The following ROBO2 variants were observed in gnomAD, a reference collection of about 807,000 sequenced individuals.
The protein encoded by ROBO2 is roundabout homolog 2.
In ROBO2, 53 loss-of-function variants were observed where a neutral mutation model predicts 160.8. The observed-to-expected ratio is 0.33, with a 90% confidence interval of 0.26 to 0.41. The LOEUF is 0.41. Among genes scored for constraint, ROBO2 ranks in the 10% least tolerant of loss-of-function variants. The pLI, the probability that ROBO2 is intolerant of heterozygous loss-of-function variation, is 1.00. For synonymous variants in ROBO2, 664 were observed against 611.7 expected (o/e 1.09, Z -1.26); for missense variants, 1,577 against 1,722.4 (o/e 0.92, Z 1.49).
At chr3:77,199,820 A>T (rs1263562512) in intron 2 of ROBO2, among the ~76,000 whole-genome samples, 1 of 149,456 alleles carries the variant, frequency 6.7e-6, no homozygotes, top group Non-Finnish European at 1.5e-5. Context: ...AGAGATGATG[A>T]CCCCACTATG....
At chr3:77,168,167 TACAG>T (rs1012158517) in intron 2 of ROBO2, among the ~76,000 whole-genome samples, 1 of 152,214 alleles carries the variant, frequency 6.6e-6, no homozygotes, top group Non-Finnish European at 1.5e-5. Flanking sequence ...ATTTCATCGT[TACAG>T]ACAATCAGCC....
intron 2 of ROBO2, among the ~76,000 whole-genome samples, chr3:76,817,827 CTTTTTT>C (rs78546104): frequency 7.7e-6 from 1 of 129,492 alleles, no homozygotes. Flanking sequence ...TATTTCATTC[CTTTTTT>C]TTTTTTTTTT....
chr3:77,373,617 G>A (rs888895438), intron 2 of ROBO2, among the ~76,000 whole-genome samples: 4 of 152,040 alleles, frequency 2.6e-5, no homozygotes, highest in African/African-American at 9.7e-5. Context: ...CCAAGTGAAT[G>A]GCTTATCTCC....
intron 2 of ROBO2, among the ~76,000 whole-genome samples, chr3:76,313,842 A>G (rs532387098): frequency 7.9e-5 from 12 of 152,212 alleles, no homozygotes; most frequent in African/African-American, 2.9e-4. Context: ...CACCTTGACA[A>G]TTTCCATTTT....
intron 2 of ROBO2, among the ~76,000 whole-genome samples, chr3:76,122,427 A>G (rs2070788493): frequency 6.6e-6 from 1 of 152,104 alleles, no homozygotes; most frequent in Non-Finnish European, 1.5e-5. Context: ...TGACTCAAGG[A>G]GAGAGATTTC....
rs1301403264 is a variant in ROBO2, at chr3:77,302,469, T to TA, written c.389-174944dup. Among the ~76,000 whole-genome samples, 3 of 152,132 alleles carry TA rather than the reference T, an allele frequency of 2.0e-5. No homozygotes were observed. The East Asian group carries it at 5.8e-4, about 29-fold the overall frequency. ...TCTCCCATAATCACCCCTAAACAAT[T>TA]ATGGGCCATACTAGCTCAGCAAATA... On this transcript the variant is annotated intron_variant, in intron 2 of 25. Transcript: ENST00000461745.
intron 2 of ROBO2, among the ~76,000 whole-genome samples, chr3:76,429,864 T>G (rs1577130989): frequency 6.6e-6 from 1 of 152,092 alleles, no homozygotes; most frequent in Non-Finnish European, 1.5e-5. Context: ...AGGATAGAGG[T>G]GTTGCCTTCC....
chr3:76,924,467 T>A lies in ROBO2; in HGVS notation c.110-173547T>A, dbSNP rs76855382. ...CACAGACAAGGAATCTGCCAGTGCCTTGATCTTGGGCTTCCTATCCCCGAA... is the reference window on the plus strand; with the variant it reads ...CACAGACAAGGAATCTGCCAGTGCCATGATCTTGGGCTTCCTATCCCCGAA... On this transcript the variant is annotated intron_variant, in intron 2 of 26. Coordinates refer to the ROBO2 transcript ENST00000487694. Among the ~76,000 whole-genome samples the A allele has an allele frequency of 1.7e-3, 259 of 152,352 alleles. 1 individual carries two copies. Among genetic ancestry groups the A allele is most frequent in the African/African-American group, 5.7e-3 (239 of 41,586 alleles).
chr3:76,185,215 T>TAGATATATAGATATATATATAC, intron 2 of ROBO2, among the ~76,000 whole-genome samples: 3 of 90,312 alleles, frequency 3.3e-5, no homozygotes, highest in Non-Finnish European at 6.9e-5. Flanking sequence ...TATATATATA[T>TAGATATATAGATATATATATAC]ACACACACAA....
At chr3:76,049,969 G>T (rs1472469867) in intron 2 of ROBO2, among the ~76,000 whole-genome samples, 1 of 152,176 alleles carries the variant, frequency 6.6e-6, no homozygotes, top group Non-Finnish European at 1.5e-5. Context: ...AATGAGTGCA[G>T]AATGGTTTTC....
At chr3:76,692,992 ATG>A (rs2092837422) in intron 2 of ROBO2, among the ~76,000 whole-genome samples, 1 of 149,364 alleles carries the variant, frequency 6.7e-6, no homozygotes, top group African/African-American at 2.5e-5. Flanking sequence ...ACATATGTGT[ATG>A]TATATATGTA....
At chr3:77,115,092 G>T (rs2074067905) in intron 2 of ROBO2, among the ~76,000 whole-genome samples, 1 of 151,976 alleles carries the variant, frequency 6.6e-6, no homozygotes, top group Admixed American at 6.6e-5. Context: ...CTCCAGAAAA[G>T]TTTTAAAAAA....
chr3:76,042,737 TTACCCATAGATTTCAGGCATTG>T, intron 2 of ROBO2, among the ~76,000 whole-genome samples: 1 of 152,182 alleles, frequency 6.6e-6, no homozygotes, highest in South Asian at 2.1e-4. Flanking sequence ...GAACCCGATG[TTACCCATAGATTTCAGGCATTG>T]TATGGAAGAA....
intron 2 of ROBO2, among the ~76,000 whole-genome samples, chr3:76,390,968 T>A (rs2077121625): frequency 6.6e-6 from 1 of 152,178 alleles, no homozygotes; most frequent in African/African-American, 2.4e-5. Flanking sequence ...ATCTTGGTAA[T>A]GTGGACCATA....
chr3:76,251,598 G>A (rs1706003847), intron 2 of ROBO2, among the ~76,000 whole-genome samples: 2 of 152,004 alleles, frequency 1.3e-5, no homozygotes, highest in Non-Finnish European at 2.9e-5. Context: ...CTTATTTTTA[G>A]CATCAACTAT....
At chr3:76,506,357 C>G (rs1171476980) in intron 2 of ROBO2, among the ~76,000 whole-genome samples, 1 of 152,092 alleles carries the variant, frequency 6.6e-6, no homozygotes, top group Non-Finnish European at 1.5e-5. Context: ...ATCTTCTAGT[C>G]TATATTGTGC....
At chr3:77,322,794 T>G (rs969382227) in intron 2 of ROBO2, among the ~76,000 whole-genome samples, 8 of 134,642 alleles carry the variant, frequency 5.9e-5, no homozygotes, top group African/African-American at 2.2e-4. Flanking sequence ...TAATATATTA[T>G]GTAATATATT....
intron 2 of ROBO2, among the ~76,000 whole-genome samples, chr3:76,995,607 C>T (rs991149042): frequency 5.3e-5 from 8 of 152,156 alleles, no homozygotes; most frequent in Non-Finnish European, 1.0e-4. Context: ...TCCTCTCCAG[C>T]ACCTGTTGTT....
chr3:76,780,128 A>T (rs2108596339), intron 2 of ROBO2, among the ~76,000 whole-genome samples: 1 of 150,052 alleles, frequency 6.7e-6, no homozygotes, highest in Admixed American at 6.7e-5. Flanking sequence ...TTTGATTTGC[A>T]TTTCTCTGAT....
Sources: gnomAD v4.1 joint callset for allele counts (sites outside exome capture counted in the v4.1 genomes callset) on GRCh38, gnomAD v4.1.1 for gene constraint, MANE v1.5 for transcripts, NCBI Gene and HGNC (gene_info 2026-07-23, HGNC 2026-07-21) for gene names.